Variants in OPCML observed in about 807,000 individuals in gnomAD.
The protein encoded by OPCML is opioid binding protein/cell adhesion molecule like.
A neutral mutation model predicts 37.8 loss-of-function variants in OPCML; 13 were observed. The observed-to-expected ratio is 0.34, with a 90% CI of 0.22 to 0.55. OPCML has a LOEUF of 0.55. Among genes scored for constraint, OPCML ranks in the 20% least tolerant of loss-of-function variants. The probability of loss-of-function intolerance (pLI) is 0.91; values close to 1 mark genes in which losing one functional copy is unlikely to be tolerated. For missense variants in OPCML, 341 were observed against 435.6 expected (o/e 0.78, Z 1.93); for synonymous variants, 176 against 168.8 (o/e 1.04, Z -0.33).
At chr11:132,514,129 G>T (rs1440613693) in intron 4 of OPCML, among the ~76,000 whole-genome samples, 2 of 152,090 alleles carry the variant, frequency 1.3e-5, no homozygotes, top group African/African-American at 4.8e-5. Flanking sequence ...ATTTTTGTCT[G>T]CCTTTTGACA....
intron 1 of OPCML, among the ~76,000 whole-genome samples, chr11:133,229,549 G>T (rs1208986307): frequency 6.6e-6 from 1 of 151,982 alleles, no homozygotes; most frequent in Non-Finnish European, 1.5e-5. Context: ...GGCTCCCAAT[G>T]CATCCCACCA....
intron 2 of OPCML, among the ~76,000 whole-genome samples, chr11:132,808,269 G>C (rs760716726): frequency 6.6e-6 from 1 of 152,202 alleles, no homozygotes; most frequent in Non-Finnish European, 1.5e-5. Flanking sequence ...ACTATAGCAC[G>C]GTGGGAATGT....
At chr11:132,502,438 C>A (rs1315733169) in intron 4 of OPCML, among the ~76,000 whole-genome samples, 24 of 152,184 alleles carry the variant, frequency 1.6e-4, no homozygotes, top group Admixed American at 1.6e-3. Flanking sequence ...TCTGTGTTTG[C>A]CTTTGTTGTC....
intron 1 of OPCML, among the ~76,000 whole-genome samples, chr11:133,052,102 T>C (rs1292585240): frequency 1.3e-5 from 2 of 152,146 alleles, no homozygotes; most frequent in African/African-American, 4.8e-5. Flanking sequence ...GCAGTTTTTT[T>C]CCCCCTTTGA....
chr11:133,264,385 C>G (rs142367507), intron 1 of OPCML, among the ~76,000 whole-genome samples: 1 of 152,184 alleles, frequency 6.6e-6, no homozygotes, highest in Non-Finnish European at 1.5e-5. Flanking sequence ...ACAATCAAAG[C>G]CTTTCTCAGT....
At chr11:133,129,922 T>C (rs530698243) in intron 1 of OPCML, among the ~76,000 whole-genome samples, 105 of 151,632 alleles carry the variant, frequency 6.9e-4, no homozygotes, top group African/African-American at 2.3e-3. Context: ...ATAAAATAAA[T>C]ACATAAATAA....
intron 1 of OPCML, among the ~76,000 whole-genome samples, chr11:133,101,952 C>T (rs983072592): frequency 9.9e-5 from 15 of 151,600 alleles, no homozygotes; most frequent in African/African-American, 2.7e-4. Flanking sequence ...GCCAAGTGAA[C>T]GAAGCCAATC....
At chr11:133,168,578 TAC>T (rs1458636522) in intron 1 of OPCML, among the ~76,000 whole-genome samples, 1 of 152,152 alleles carries the variant, frequency 6.6e-6, no homozygotes, top group Non-Finnish European at 1.5e-5. Flanking sequence ...TAAAATATGG[TAC>T]AGTTTATAAA....
chr11:133,173,094 C>T lies in OPCML; in HGVS notation c.62-230084G>A, dbSNP rs139869556. Among the ~76,000 whole-genome samples the T allele has an allele frequency of 3.1e-4, 47 of 152,312 alleles. No homozygotes were observed. The highest frequency in any genetic ancestry group is 4.3e-4 in the Non-Finnish European group (29 of 68,028). The stretch of plus-strand genomic sequence containing the variant: ...TTAGTGAACTTAATCTTCCACTTTA[C>T]GTTGGGCTTGCTTCCAAGTGGTAAT... On this transcript the variant is annotated intron_variant, in intron 1 of 7. Transcript: ENST00000524381. This position sits in a 1 kb window ranked among gnomAD's most constrained non-coding sequence, Gnocchi z 7.8.
At chr11:133,134,672 C>G (rs1177806134) in intron 1 of OPCML, among the ~76,000 whole-genome samples, 1 of 152,166 alleles carries the variant, frequency 6.6e-6, no homozygotes, top group Non-Finnish European at 1.5e-5. Context: ...CTTCCTTGCT[C>G]CAAGGGAACT....
chr11:133,465,926 A>G (rs928501597), intron 1 of OPCML, among the ~76,000 whole-genome samples: 1 of 152,238 alleles, frequency 6.6e-6, no homozygotes, highest in Admixed American at 6.5e-5. Flanking sequence ...TCAAGCATAA[A>G]TGTTTCTAAA....
At chr11:133,512,691 G>A (rs1023130796) in intron 1 of OPCML, among the ~76,000 whole-genome samples, 1 of 152,080 alleles carries the variant, frequency 6.6e-6, no homozygotes, top group South Asian at 2.1e-4. Flanking sequence ...GCCTCATTGG[G>A]ACAAAAAGGT....
intron 2 of OPCML, among the ~76,000 whole-genome samples, chr11:132,734,388 A>C (rs954267632): frequency 6.6e-6 from 1 of 152,128 alleles, no homozygotes; most frequent in Non-Finnish European, 1.5e-5. Flanking sequence ...TTCTTGAATG[A>C]CTCACTCTGG....
intron 2 of OPCML, among the ~76,000 whole-genome samples, chr11:132,701,762 T>TTGTG (rs34453558): frequency 7.4e-4 from 106 of 142,792 alleles, no homozygotes; most frequent in Middle Eastern, 3.6e-3. Context: ...AATTTGATGA[T>TTGTG]TGTGTGTGTG....
chr11:132,735,478 A>ATTG (rs761937388), intron 2 of OPCML, among the ~76,000 whole-genome samples: 23 of 152,018 alleles, frequency 1.5e-4, no homozygotes, highest in African/African-American at 4.8e-4. Flanking sequence ...TCACAAAATA[A>ATTG]TTGTTGTTGT....
intron 4 of OPCML, among the ~76,000 whole-genome samples, chr11:132,474,692 T>C (rs2096149207): frequency 6.6e-6 from 1 of 152,178 alleles, no homozygotes; most frequent in African/African-American, 2.4e-5. Flanking sequence ...ATCATTCATA[T>C]AGCTGGTCTT....
chr11:133,119,071 A>T (rs1290718813), intron 1 of OPCML, among the ~76,000 whole-genome samples: 2 of 152,120 alleles, frequency 1.3e-5, no homozygotes, highest in African/African-American at 4.8e-5. Context: ...ATAGCACATC[A>T]TGCCAGCGCT....
intron 1 of OPCML, chr11:133,418,227 A>C (rs1488288565): frequency 1.0e-6 from 1 of 985,284 alleles, no homozygotes; most frequent in Non-Finnish European, 1.2e-6. Flanking sequence ...GGTGATCTGT[A>C]TCTAGTTTTT....
chr11:132,587,841 A>G (rs539189078), intron 3 of OPCML, among the ~76,000 whole-genome samples: 5 of 152,214 alleles, frequency 3.3e-5, no homozygotes, highest in African/African-American at 1.2e-4. Flanking sequence ...CTGGTTTCTC[A>G]AGAGGTGAAA....
Sources: gnomAD v4.1 joint callset for allele counts (sites outside exome capture counted in the v4.1 genomes callset) on GRCh38, gnomAD v4.1.1 for gene constraint, Gnocchi (gnomAD v3.1) non-coding constraint, MANE v1.5 for transcripts, NCBI Gene and HGNC (gene_info 2026-07-23, HGNC 2026-07-21) for gene names.